KIF6: variants seen among roughly 807,000 people sequenced by gnomAD.
KIF6 encodes kinesin-like protein KIF6.
A neutral mutation model predicts 112.7 loss-of-function variants in KIF6; 106 were observed. The observed-to-expected ratio is 0.94, with a 90% CI of 0.80 to 1.11. The LOEUF (loss-of-function observed/expected upper bound fraction) is 1.11. Ranked by LOEUF, KIF6 falls within the 50% of genes least tolerant of loss-of-function variation. KIF6 has a pLI of 0.00. For synonymous variants in KIF6, 339 were observed against 339.9 expected (o/e 1.00, Z 0.03); for missense variants, 929 against 964.0 (o/e 0.96, Z 0.48).
At chr6:39,404,850 G>C (rs975180281) in intron 15 of KIF6, among the ~76,000 whole-genome samples, 1 of 151,276 alleles carries the variant, frequency 6.6e-6, no homozygotes, top group African/African-American at 2.4e-5. Context: ...TTTTTTATTA[G>C]AGTTTGTTGG....
intron 6 of KIF6, among the ~76,000 whole-genome samples, chr6:39,598,314 A>T (rs1782388517): frequency 6.6e-6 from 1 of 152,198 alleles, no homozygotes; most frequent in Non-Finnish European, 1.5e-5. Flanking sequence ...AATATTTGAT[A>T]AAATGCTCAA....
chr6:39,535,629 C>T (rs1052857224), intron 13 of KIF6, among the ~76,000 whole-genome samples: 3 of 152,266 alleles, frequency 2.0e-5, no homozygotes, highest in Admixed American at 2.0e-4. Context: ...CTTTAACACC[C>T]CACTGTCAAC....
chr6:39,611,875 G>A lies in KIF6; in HGVS notation c.639+1314C>T, dbSNP rs1469391624. Among the ~76,000 whole-genome samples the A allele has an allele frequency of 2.0e-5, 3 of 152,076 alleles. No individual in the cohort carries two copies. In the East Asian group the frequency reaches 5.8e-4, roughly 29 times the overall value. ...TAAGAGCATCACAAAGATCAAATGGGCAAAATGTTGGAGTACTGAGCACAA... is the reference window on the plus strand; with the variant it reads ...TAAGAGCATCACAAAGATCAAATGGACAAAATGTTGGAGTACTGAGCACAA... On this transcript the variant is annotated intron_variant, in intron 6 of 22. Transcript: ENST00000287152.
Position 39,427,795 on chromosome 6 carries a change from T to C in KIF6, c.1754+3258A>G, listed in dbSNP as rs138761836. Reference sequence around the variant, plus strand: ...AAAAGCACATTTGTCACATGGGTTGTCAGAACTCTACTGTACAGAGTTAAG... The same window carrying C: ...AAAAGCACATTTGTCACATGGGTTGCCAGAACTCTACTGTACAGAGTTAAG... On this transcript the variant is annotated intron_variant, in intron 14 of 22. Transcript: ENST00000287152. 1.8e-3 allele frequency among the ~76,000 whole-genome samples: 268 copies of C among 152,300 alleles called. 1 individual carries two copies. The highest frequency in any genetic ancestry group is 6.2e-3 in the African/African-American group (258 of 41,572).
intron 13 of KIF6, among the ~76,000 whole-genome samples, chr6:39,522,133 G>A (rs1040447394): frequency 4.6e-5 from 7 of 152,046 alleles, no homozygotes; most frequent in African/African-American, 7.2e-5. Flanking sequence ...TCCCCTTAAG[G>A]ACATTGCCTT....
At position 39,343,376 on chromosome 6, in the gene KIF6, G is replaced by A. The variant is rs1763453063; in HGVS notation, c.2428+333C>T. 2 of 1,324,100 alleles carry A rather than the reference G, an allele frequency of 1.5e-6. No individual in the cohort carries two copies. The highest frequency in any genetic ancestry group is 2.0e-6 in the Non-Finnish European group (2 of 1,011,778). The allele number at this position is 1,324,100 out of a possible 1,614,324, so 82.0% of individuals were successfully genotyped here. ...AACATCACTCAGCCCCTTCCTGTTT[G>A]TAGAAGCCTGAGCAGAGGAGACAGC... On this transcript the variant is annotated intron_variant, in intron 22 of 22. Coordinates refer to ENST00000287152, the MANE Select transcript of KIF6 (RefSeq NM_145027.6). The surrounding 1 kb of genome is among the most constrained non-coding windows in gnomAD (Gnocchi z 4.1).
chr6:39,662,843 C>T (rs1244558573), intron 3 of KIF6, among the ~76,000 whole-genome samples: 2 of 152,104 alleles, frequency 1.3e-5, no homozygotes, highest in African/African-American at 2.4e-5. Context: ...CAAAAATACG[C>T]GTCCACATGG....
chr6:39,704,914 G>T (rs1408977339), intron 3 of KIF6, among the ~76,000 whole-genome samples: 1 of 152,242 alleles, frequency 6.6e-6, no homozygotes, highest in Non-Finnish European at 1.5e-5. Context: ...GGTCCCTTCT[G>T]AGCATGGGGC....
chr6:39,669,177 A>C (rs1409128963), intron 3 of KIF6, among the ~76,000 whole-genome samples: 1 of 152,236 alleles, frequency 6.6e-6, no homozygotes, highest in Non-Finnish European at 1.5e-5. Context: ...CTAACAAAAC[A>C]AACCAAGTTA....
chr6:39,486,797 A>G (rs963302956), intron 13 of KIF6, among the ~76,000 whole-genome samples: 1 of 152,228 alleles, frequency 6.6e-6, no homozygotes, highest in African/African-American at 2.4e-5. Context: ...CAAAGGTTGC[A>G]TGAACCCAGC....
intron 13 of KIF6, among the ~76,000 whole-genome samples, chr6:39,534,211 A>C (rs907725663): frequency 6.6e-6 from 1 of 152,194 alleles, no homozygotes. Flanking sequence ...AGCTGGACGG[A>C]GAATGACTTT....
chr6:39,348,804 C>T (rs1763989661), intron 19 of KIF6, among the ~76,000 whole-genome samples: 1 of 152,166 alleles, frequency 6.6e-6, no homozygotes, highest in Non-Finnish European at 1.5e-5. Flanking sequence ...AGACCAGCGC[C>T]CCGCTACCCC....
chr6:39,700,867 C>T (rs1184144744), intron 3 of KIF6, among the ~76,000 whole-genome samples: 2 of 152,136 alleles, frequency 1.3e-5, no homozygotes, highest in African/African-American at 4.8e-5. Context: ...CACATGCCAC[C>T]ACACCCAGCT....
chr6:39,346,928 C>T (rs1008006553), intron 19 of KIF6, among the ~76,000 whole-genome samples: 2 of 152,166 alleles, frequency 1.3e-5, no homozygotes, highest in Non-Finnish European at 2.9e-5. Flanking sequence ...GGATTACAGG[C>T]GTGAGCCACT....
chr6:39,584,238 T>C (rs1283454557), intron 9 of KIF6, among the ~76,000 whole-genome samples: 2 of 151,052 alleles, frequency 1.3e-5, no homozygotes, highest in Non-Finnish European at 3.0e-5. Context: ...CCTAGGCAAC[T>C]CAGTGAAACC....
At chr6:39,371,863 T>G (rs1237134058) in intron 16 of KIF6, among the ~76,000 whole-genome samples, 1 of 151,964 alleles carries the variant, frequency 6.6e-6, no homozygotes, top group Non-Finnish European at 1.5e-5. Flanking sequence ...CACCCCAAAT[T>G]AGGAAGAGTC....
At chr6:39,561,952 G>A (rs753231502) in intron 10 of KIF6, among the ~76,000 whole-genome samples, 16 of 152,184 alleles carry the variant, frequency 1.1e-4, no homozygotes, top group Admixed American at 3.9e-4. Context: ...GATACTGACC[G>A]AAACAAGAAG....
chr6:39,670,131 G>A (rs542369116), intron 3 of KIF6, among the ~76,000 whole-genome samples: 17 of 152,268 alleles, frequency 1.1e-4, no homozygotes, highest in South Asian at 2.1e-4. Context: ...TACTCTGGGC[G>A]CGGGAGAAGG....
chr6:39,401,283 T>C (rs1193345068), intron 15 of KIF6, among the ~76,000 whole-genome samples: 1 of 152,246 alleles, frequency 6.6e-6, no homozygotes, highest in African/African-American at 2.4e-5. Flanking sequence ...TTTTCCTCTG[T>C]CTTCTTTTCA....
Sources: gnomAD v4.1 joint callset for allele counts (sites outside exome capture counted in the v4.1 genomes callset) on GRCh38, gnomAD v4.1.1 for gene constraint, Gnocchi (gnomAD v3.1) non-coding constraint, MANE v1.5 for transcripts, NCBI Gene and HGNC (gene_info 2026-07-23, HGNC 2026-07-21) for gene names.